Variants in DLG2 observed in about 807,000 individuals in gnomAD.
DLG2 encodes the protein disks large homolog 2.
In DLG2, 45 loss-of-function variants were observed where a neutral mutation model predicts 132.5. The ratio of observed to expected loss-of-function variants is 0.34; its 90% CI spans 0.27 to 0.44. The LOEUF is 0.44. DLG2 is among the 20% of genes least tolerant of loss of function. The probability of loss-of-function intolerance (pLI) is 1.00; values close to 1 mark genes in which losing one functional copy is unlikely to be tolerated. For synonymous variants in DLG2, 424 were observed against 419.6 expected (o/e 1.01, Z -0.13); for missense variants, 1,045 against 1,196.9 (o/e 0.87, Z 1.87).
At chr11:84,200,064 C>T (rs1022215053) in intron 8 of DLG2, among the ~76,000 whole-genome samples, 1 of 151,858 alleles carries the variant, frequency 6.6e-6, no homozygotes, top group Non-Finnish European at 1.5e-5. Flanking sequence ...AGATATGTCA[C>T]ATACAAAGGT....
At chr11:84,585,200 A>G (rs1266764764) in intron 6 of DLG2, among the ~76,000 whole-genome samples, 4 of 152,166 alleles carry the variant, frequency 2.6e-5, no homozygotes, top group Admixed American at 1.3e-4. Context: ...CGTATTATAT[A>G]TAATTGTCCC....
intron 11 of DLG2, among the ~76,000 whole-genome samples, chr11:84,053,487 TA>T (rs1233774810): frequency 6.6e-6 from 1 of 151,958 alleles, no homozygotes; most frequent in Non-Finnish European, 1.5e-5. Flanking sequence ...AATATTATAT[TA>T]AATACAATCT....
chr11:83,536,403 C>A (rs2095877029), intron 20 of DLG2, among the ~76,000 whole-genome samples: 1 of 152,140 alleles, frequency 6.6e-6, no homozygotes, highest in Non-Finnish European at 1.5e-5. Context: ...TCTTGGGGTT[C>A]TCTGCAAACC....
At chr11:83,954,530 G>A (rs1389415678) in intron 14 of DLG2, among the ~76,000 whole-genome samples, 3 of 152,110 alleles carry the variant, frequency 2.0e-5, no homozygotes, top group African/African-American at 7.2e-5. Flanking sequence ...CTATGTTGGA[G>A]AAATCAGAAA....
At chr11:84,857,928 T>G (rs530371675) in intron 6 of DLG2, among the ~76,000 whole-genome samples, 3 of 152,116 alleles carry the variant, frequency 2.0e-5, no homozygotes, top group African/African-American at 7.2e-5. Flanking sequence ...TCTCACTGTG[T>G]GTCATGCAGG....
intron 6 of DLG2, among the ~76,000 whole-genome samples, chr11:84,775,168 C>A (rs546397861): frequency 6.6e-6 from 1 of 152,074 alleles, no homozygotes; most frequent in African/African-American, 2.4e-5. Flanking sequence ...AGCCAACAAA[C>A]ATGAAAAAAT....
Position 85,533,199 on chromosome 11 carries a change from T to A in DLG2, c.40+65458A>T, listed in dbSNP as rs563121260. Among the ~76,000 whole-genome samples, 556 of 152,130 alleles carry A rather than the reference T, an allele frequency of 3.7e-3. 4 individuals are homozygous for A. The highest frequency in any genetic ancestry group is 0.013 in the African/African-American group (532 of 41,526). On this transcript the variant is annotated intron_variant, in intron 3 of 27. Coordinates refer to ENST00000376104, the MANE Select transcript of DLG2 (RefSeq NM_001142699.3). ...TCACCACACCTAGCTAATTTTTGTA[T>A]TTTTAGTAGAGATGGGGTTTCACCA...
chr11:85,527,189 T>A (rs1267933784), intron 3 of DLG2, among the ~76,000 whole-genome samples: 3 of 151,986 alleles, frequency 2.0e-5, no homozygotes, highest in Non-Finnish European at 4.4e-5. Flanking sequence ...TTTTTTTTTT[T>A]TTATTTTACT....
chr11:84,791,260 T>C (rs904142213), intron 6 of DLG2, among the ~76,000 whole-genome samples: 1 of 152,152 alleles, frequency 6.6e-6, no homozygotes, highest in African/African-American at 2.4e-5. Flanking sequence ...CAATTTGAGA[T>C]AAGATTTGGC....
intron 6 of DLG2, among the ~76,000 whole-genome samples, chr11:84,714,590 TCTC>T (rs1488059091): frequency 4.6e-5 from 6 of 130,848 alleles, no homozygotes; most frequent in South Asian, 4.8e-4. Context: ...TCTTTCTCTT[TCTC>T]TTTCTTTCTC....
intron 6 of DLG2, among the ~76,000 whole-genome samples, chr11:84,639,027 C>T (rs1028004377): frequency 1.2e-4 from 18 of 152,192 alleles, no homozygotes; most frequent in African/African-American, 3.1e-4. Flanking sequence ...TTTCACATCA[C>T]GTCTGCATGA....
At chr11:85,171,431 T>G (rs2078867723) in intron 4 of DLG2, among the ~76,000 whole-genome samples, 1 of 152,234 alleles carries the variant, frequency 6.6e-6, no homozygotes, top group Admixed American at 6.5e-5. Context: ...CGTGAGCCAA[T>G]GCGACCAGGG....
intron 11 of DLG2, among the ~76,000 whole-genome samples, chr11:84,013,585 C>G (rs1385101418): frequency 1.3e-5 from 2 of 151,868 alleles, no homozygotes. Context: ...ACAGAAGTCT[C>G]CAGCTGGGCG....
chr11:84,037,177 T>C (rs942922747), intron 11 of DLG2, among the ~76,000 whole-genome samples: 1 of 152,130 alleles, frequency 6.6e-6, no homozygotes, highest in Non-Finnish European at 1.5e-5. Flanking sequence ...TCTGAAATGG[T>C]TAGCTTCCTA....
intron 6 of DLG2, among the ~76,000 whole-genome samples, chr11:84,658,088 T>A (rs887823172): frequency 4.6e-5 from 7 of 152,140 alleles, no homozygotes; most frequent in African/African-American, 1.7e-4. Flanking sequence ...ATACAGTGGG[T>A]GGCTTATTTA....
At chr11:84,741,233 A>G (rs896123458) in intron 6 of DLG2, among the ~76,000 whole-genome samples, 1 of 151,344 alleles carries the variant, frequency 6.6e-6, no homozygotes, top group Non-Finnish European at 1.5e-5. Flanking sequence ...CGCCTGGCTA[A>G]TTTTTTGTAT....
intron 18 of DLG2, among the ~76,000 whole-genome samples, chr11:83,774,882 T>C (rs563517753): frequency 6.6e-6 from 1 of 152,142 alleles, no homozygotes; most frequent in South Asian, 2.1e-4. Flanking sequence ...CACAGAGAGG[T>C]TGTCACTCAC....
At chr11:84,943,022 G>C (rs1264791252) in intron 6 of DLG2, among the ~76,000 whole-genome samples, 3 of 151,968 alleles carry the variant, frequency 2.0e-5, no homozygotes, top group Non-Finnish European at 2.9e-5. Context: ...CATTTTGTCT[G>C]ATACAAGTAT....
At chr11:84,065,655 G>T (rs994307609) in intron 10 of DLG2, among the ~76,000 whole-genome samples, 2 of 152,084 alleles carry the variant, frequency 1.3e-5, no homozygotes, top group East Asian at 3.9e-4. Context: ...GAAGGAGTTT[G>T]GGGATTTCTC....
Sources: gnomAD v4.1 joint callset for allele counts (sites outside exome capture counted in the v4.1 genomes callset) on GRCh38, gnomAD v4.1.1 for gene constraint, MANE v1.5 for transcripts, NCBI Gene and HGNC (gene_info 2026-07-23, HGNC 2026-07-21) for gene names.